Variants in PCGF1 observed in about 807,000 individuals in gnomAD.
PCGF1 encodes the protein polycomb group RING finger protein 1.
Under a neutral mutation model 38.8 loss-of-function variants are expected in PCGF1, and 10 were observed. The observed-to-expected ratio is 0.26, with a 90% CI of 0.16 to 0.44. The LOEUF is 0.44. Among genes scored for constraint, PCGF1 ranks in the 20% least tolerant of loss-of-function variants. The pLI is 1.00. For missense variants in PCGF1, 230 were observed against 331.5 expected (o/e 0.69, Z 2.38); for synonymous variants, 119 against 121.3 (o/e 0.98, Z 0.12).
rs140632466 is a variant in PCGF1, at chr2:74,507,624, A to T, written c.45T>A (p.Leu15=). The T allele has an allele frequency of 6.3e-7, 1 of 1,584,422 alleles. No homozygotes were observed. Among genetic ancestry groups the T allele is most frequent in the South Asian group, 1.2e-5 (1 of 86,658 alleles). Residue 15 remains leucine (L), a synonymous_variant, in exon 1 of 9, where the codon CTT becomes CTA. Transcript: ENST00000233630. ...QGGQIAIAMR[L]RNQLQSVYKM... ...TGTACACTGACTGGAGCTGGTTCCG[A>T]AGCCTCATCGCGATCGCAATCTGGC... is the stretch of plus-strand genomic sequence containing the variant.
intron 1 of PCGF1, 128 bp downstream of exon 1, chr2:74,507,448 C>A (rs750716014): frequency 4.7e-6 from 7 of 1,474,200 alleles, no homozygotes; most frequent in South Asian, 1.3e-5. Flanking sequence ...ATCGCAACCA[C>A]GCAGGCGCAC....
chr2:74,506,546 C>A, intron 3 of PCGF1, 186 bp downstream of exon 3: 1 of 691,170 alleles, frequency 1.4e-6, no homozygotes, highest in Middle Eastern at 4.1e-4. Context: ...CCACTGCACT[C>A]CAGCCTGGGC....
At chr2:74,505,256 A>C (rs1558594435) in intron 8 of PCGF1, 66 bp from the exon 9 acceptor site, 3 of 1,568,596 alleles carry the variant, frequency 1.9e-6, no homozygotes, top group Non-Finnish European at 1.7e-6. Flanking sequence ...AGGGCCCCTC[A>C]GCCCACCCTT....
rs1276754229 is a variant in PCGF1, at chr2:74,507,434, C to T, written c.93+142G>A. 2.7e-6 allele frequency: 4 copies of T among 1,465,790 alleles called. No homozygotes were observed. In the Admixed American group the frequency reaches 9.7e-5, roughly 35 times the overall value. 90.8% of individuals were successfully genotyped at this position (1,465,790 alleles called of 1,614,324 possible). On this transcript the variant is annotated intron_variant, in intron 1 of 8. Transcript: ENST00000233630. The stretch of plus-strand genomic sequence containing the variant: ...AGGCGTCCTAACCGGAGTTTGGCAA[C>T]CCGATCGCAACCACGCAGGCGCACT...
At chr2:74,506,511 G>A (rs1169513779) in intron 3 of PCGF1, 2 of 623,936 alleles carry the variant, frequency 3.2e-6, no homozygotes, top group Admixed American at 2.9e-5. Context: ...CCAGGAGGTG[G>A]AGCTTGCAGT....
chr2:74,506,304 G>A (rs776197615), intron 3 of PCGF1, 52 bp from the exon 4 acceptor site: 16 of 1,567,844 alleles, frequency 1.0e-5, no homozygotes, highest in Admixed American at 3.3e-5. Context: ...GGGGCCGGGC[G>A]CGGTGGCTCA....
Position 74,505,721 on chromosome 2 carries a change from C to T in PCGF1, c.564+16G>A. ...GTGAGTCTCCTTAGAGAGGCCCTCC[C>T]CTCAGCCCTTCTCACCTGCAGGACG... On this transcript the variant is annotated intron_variant, in intron 6 of 8. Transcript: ENST00000233630. 3.1e-6 allele frequency: 5 copies of T among 1,614,182 alleles called. No homozygotes were observed. Among genetic ancestry groups the T allele is most frequent in the Non-Finnish European group, 3.4e-6 (4 of 1,180,034 alleles).
In PCGF1 at chr2:74,505,774, G is replaced by C; in HGVS notation, c.531-4C>G. 6.2e-7 allele frequency: 1 copy of C among 1,614,126 alleles called. No individual in the cohort carries two copies. The highest frequency in any genetic ancestry group is 8.5e-7 in the Non-Finnish European group (1 of 1,180,000). Reference sequence around the variant, plus strand: ...TTTATTCTTGTCTTTGCCAGAACTGGGGGGAAATAGACACAGGTTAGGGAA... The same window carrying C: ...TTTATTCTTGTCTTTGCCAGAACTGCGGGGAAATAGACACAGGTTAGGGAA... On this transcript the variant is annotated splice_polypyrimidine_tract_variant and splice_region_variant and intron_variant, in intron 5 of 8. Transcript: ENST00000233630.
intron 1 of PCGF1, 83 bp downstream of exon 1, chr2:74,507,493 C>A: frequency 6.6e-7 from 1 of 1,523,984 alleles, no homozygotes; most frequent in Non-Finnish European, 8.8e-7. Flanking sequence ...GCACTGGGCG[C>A]CCGGCCAGCC....
chr2:74,507,339 T>C, intron 1 of PCGF1, 192 bp from the exon 2 acceptor site: 1 of 1,453,752 alleles, frequency 6.9e-7, no homozygotes, highest in Non-Finnish European at 9.0e-7. Flanking sequence ...CAGCGGGGGC[T>C]TCCCTCACGT....
At chr2:74,507,452 G>A (rs567695520) in intron 1 of PCGF1, 124 bp downstream of exon 1, 2 of 1,476,570 alleles carry the variant, frequency 1.4e-6, no homozygotes, top group Non-Finnish European at 1.8e-6. Flanking sequence ...CAACCACGCA[G>A]GCGCACTGGG....
Position 74,505,413 on chromosome 2 carries a change from G to A in PCGF1, c.658C>T (p.Leu220Phe). 1 of 1,609,428 alleles carries A rather than the reference G, an allele frequency of 6.2e-7. No individual in the cohort carries two copies. Among genetic ancestry groups the A allele is most frequent in the Non-Finnish European group, 8.5e-7 (1 of 1,177,366 alleles). The change falls in exon 8 of 9, where the codon CTC becomes TTC. Residue 220 changes from leucine (L) to phenylalanine (F), a missense_variant. By Grantham distance (22) the Leu-to-Phe change is conservative. Coordinates refer to ENST00000233630, the MANE Select transcript of PCGF1 (RefSeq NM_032673.3). Reference sequence around the variant, plus strand: ...GGGAGAACTTCATTGTCAAAAAGGAGCTGCACCTAGGAGGGAGATGGGGGC... The same window carrying A: ...GGGAGAACTTCATTGTCAAAAAGGAACTGCACCTAGGAGGGAGATGGGGGC... ...RLMLNPQHVQLLFDNEVLPDH... is the reference protein window; with the variant it reads ...RLMLNPQHVQFLFDNEVLPDH...
chr2:74,505,666 G>A, intron 6 of PCGF1, 28 bp from the exon 7 acceptor site: 3 of 1,614,042 alleles, frequency 1.9e-6, no homozygotes, highest in Non-Finnish European at 8.5e-7. Flanking sequence ...AGGGAAGAGG[G>A]CAAGGTGTGT....
rs372719465 is a variant in PCGF1 at position 74,506,060 on chromosome 2, G to A, written c.425-3C>T. The A allele has an allele frequency of 1.1e-5, 17 of 1,614,046 alleles. No homozygotes were observed. The African/African-American group carries it at 2.0e-4, about 19-fold the overall frequency. On this transcript the variant is annotated splice_polypyrimidine_tract_variant and splice_region_variant and intron_variant, in intron 4 of 8. Coordinates refer to ENST00000233630, the MANE Select transcript of PCGF1 (RefSeq NM_032673.3). ...GCCGAGGTTGCTCAGTGCTGGCTCT[G>A]AGAAAGATAGGGTAGTGAGGTGGCT...
chr2:74,505,839 T>C, intron 5 of PCGF1, 69 bp from the exon 6 acceptor site: 3 of 1,608,030 alleles, frequency 1.9e-6, no homozygotes, highest in South Asian at 2.2e-5. Context: ...AGCCATGATA[T>C]ACTCTCTTCA....
chr2:74,506,561 C>T (rs1674640508), intron 3 of PCGF1, 171 bp downstream of exon 3: 1 of 747,436 alleles, frequency 1.3e-6, no homozygotes, highest in African/African-American at 1.8e-5. Context: ...CTGGGCAAGA[C>T]TCCGTCTCAA....
In PCGF1 at chr2:74,506,007, T is replaced by C. The variant is rs1446253101; in HGVS notation, c.475A>G (p.Lys159Glu). Reference sequence around the variant, plus strand: ...TCATCATAGCGATAGTAGTGGGCTTTAGAGTGGTCAAAGCTGCTGAAGGGG... The same window carrying C: ...TCATCATAGCGATAGTAGTGGGCTTCAGAGTGGTCAAAGCTGCTGAAGGGG... Reference protein sequence around the residue: ...GLPFSSFDHSKAHYYRYDEQL... With the variant: ...GLPFSSFDHSEAHYYRYDEQL... The change falls in exon 5 of 9, where the codon AAA (lysine) becomes GAA (glutamate). Residue 159 changes from lysine to glutamate, a missense_variant. Coordinates refer to ENST00000233630, the MANE Select transcript of PCGF1 (RefSeq NM_032673.3). 3.7e-6 allele frequency: 6 copies of C among 1,614,050 alleles called. No individual in the cohort carries two copies. Among genetic ancestry groups the C allele is most frequent in the African/African-American group, 2.7e-5 (2 of 74,914 alleles).
At chr2:74,506,610 C>T (rs937303425) in intron 3 of PCGF1, 122 bp downstream of exon 3, 2 of 1,127,132 alleles carry the variant, frequency 1.8e-6, no homozygotes, top group South Asian at 1.3e-5. Context: ...CCCTTCCTCA[C>T]TTTTTGTCCT....
Position 74,506,714 on chromosome 2 carries a change from G to A in PCGF1, c.352+18C>T, listed in dbSNP as rs1311858542. On this transcript the variant is annotated intron_variant, in intron 3 of 8. Coordinates refer to ENST00000233630, the MANE Select transcript of PCGF1 (RefSeq NM_032673.3). ...ATTAGTCCTCAAGAGGCCCCTCAAA[G>A]TCAGGTTGGTGACTCACTGTCTTGC... 1.2e-6 allele frequency: 2 copies of A among 1,613,124 alleles called. No homozygotes were observed. Among genetic ancestry groups the A allele is most frequent in the Admixed American group, 1.7e-5 (1 of 60,010 alleles).
Sources: gnomAD v4.1 joint callset for allele counts on GRCh38, gnomAD v4.1.1 for gene constraint, MANE v1.5 for transcripts, NCBI Gene and HGNC (gene_info 2026-07-23, HGNC 2026-07-21) for gene names.